Variants in BBX observed in about 807,000 individuals in gnomAD.
BBX encodes BBX high mobility group box domain containing.
In BBX, 30 loss-of-function variants were observed where a neutral mutation model predicts 100.2. The ratio of observed to expected loss-of-function variants is 0.30; its 90% confidence interval spans 0.22 to 0.41. The LOEUF is 0.41. Among genes scored for constraint, BBX ranks in the 10% least tolerant of loss-of-function variants. The pLI, the probability that BBX is intolerant of heterozygous loss-of-function variation, is 1.00. For missense variants in BBX, 1,023 were observed against 1,129.8 expected, an observed-to-expected ratio of 0.91 and a Z score of 1.35; for synonymous variants, 376 against 388.1, an observed-to-expected ratio of 0.97 and a Z score of 0.37.
chr3:107,801,676 A>C (rs934783922), intron 17 of BBX, among the ~76,000 whole-genome samples: 10 of 152,086 alleles, frequency 6.6e-5, no homozygotes, highest in Admixed American at 3.9e-4. Context: ...TCCTCTAAAA[A>C]AACAGGGGCA....
rs1485474302 is a variant in BBX, at chr3:107,710,603, A to G, written c.143A>G (p.Glu48Gly). The G allele has an allele frequency of 1.2e-6, 2 of 1,612,850 alleles. No homozygotes were observed. The highest frequency in any genetic ancestry group is 1.7e-6 in the Non-Finnish European group (2 of 1,179,270). ...TCAGAAGAGGAAGAAGAGGAAGACG[A>G]AGAGGAGGATATTGATAAGGTAAGT... The part of the protein sequence containing the change: ...DFSEEEEEED[E>G]EEDIDKVQLL... The change falls in exon 4 of 18, where the codon GAA becomes GGA. Residue 48 changes from glutamate to glycine, a missense_variant. Transcript: ENST00000325805.
intron 2 of BBX, among the ~76,000 whole-genome samples, chr3:107,547,790 C>G (rs1341150793): frequency 2.0e-5 from 3 of 151,936 alleles, no homozygotes; most frequent in African/African-American, 4.8e-5. Flanking sequence ...TCTTCTTTCC[C>G]TTCTATTGAT....
intron 2 of BBX, chr3:107,638,533 A>G (rs897558531): frequency 1.3e-5 from 2 of 152,134 alleles, no homozygotes; most frequent in Non-Finnish European, 1.5e-5. Flanking sequence ...ACCTGGAACA[A>G]TTCTTTCTGC....
At chr3:107,713,113 T>A (rs2061838855) in intron 4 of BBX, among the ~76,000 whole-genome samples, 1 of 152,204 alleles carries the variant, frequency 6.6e-6, no homozygotes, top group African/African-American at 2.4e-5. Context: ...TTTTTTGTTG[T>A]ATATGAAGAA....
chr3:107,617,438 G>A (rs1416565674), intron 2 of BBX, among the ~76,000 whole-genome samples: 1 of 152,058 alleles, frequency 6.6e-6, no homozygotes, highest in Non-Finnish European at 1.5e-5. Flanking sequence ...ATTATAGGAT[G>A]TGTCAAATCT....
At chr3:107,704,918 C>G (rs2107238543) in intron 3 of BBX, among the ~76,000 whole-genome samples, 1 of 152,170 alleles carries the variant, frequency 6.6e-6, no homozygotes, top group African/African-American at 2.4e-5. Context: ...TGACCCGGGT[C>G]TTGGAGGATG....
chr3:107,605,813 AC>A (rs1254644255), intron 2 of BBX, among the ~76,000 whole-genome samples: 3 of 152,172 alleles, frequency 2.0e-5, no homozygotes, highest in Non-Finnish European at 2.9e-5. Context: ...CATAAGACAT[AC>A]TAGTATGTAA....
chr3:107,682,672 T>C (rs1222480806), intron 3 of BBX, among the ~76,000 whole-genome samples: 11 of 152,202 alleles, frequency 7.2e-5, no homozygotes, highest in African/African-American at 2.2e-4. Context: ...GTTGAGAGTC[T>C]ATTTTATTCC....
chr3:107,597,812 A>G (rs891978880), intron 2 of BBX, among the ~76,000 whole-genome samples: 7 of 152,230 alleles, frequency 4.6e-5, no homozygotes, highest in Middle Eastern at 3.4e-3. Context: ...AGTATTTCCA[A>G]TTGTCCCCTT....
At chr3:107,596,365 T>C (rs1161298861) in intron 2 of BBX, among the ~76,000 whole-genome samples, 1 of 152,214 alleles carries the variant, frequency 6.6e-6, no homozygotes, top group African/African-American at 2.4e-5. Context: ...TTTCTTGATA[T>C]GGCATCTTTA....
chr3:107,742,228 T>C (rs1373047680), intron 7 of BBX, among the ~76,000 whole-genome samples: 2 of 152,194 alleles, frequency 1.3e-5, no homozygotes, highest in Non-Finnish European at 2.9e-5. Flanking sequence ...GAAACATTTG[T>C]ATCTGTTCTT....
intron 9 of BBX, among the ~76,000 whole-genome samples, chr3:107,753,396 T>TCCCC (rs554384379): frequency 2.0e-5 from 3 of 151,866 alleles, no homozygotes; most frequent in Non-Finnish European, 2.9e-5. Flanking sequence ...ATGTTGAACC[T>TCCCC]CCCCCCACAC....
At chr3:107,695,682 G>A (rs2060537572) in intron 3 of BBX, among the ~76,000 whole-genome samples, 1 of 151,642 alleles carries the variant, frequency 6.6e-6, no homozygotes, top group Non-Finnish European at 1.5e-5. Context: ...GTTGATTTGG[G>A]GTGGAGAGTT....
intron 2 of BBX, among the ~76,000 whole-genome samples, chr3:107,594,884 C>A (rs2053574321): frequency 6.6e-6 from 1 of 152,074 alleles, no homozygotes. Flanking sequence ...GCTGTTATTA[C>A]CTTTAAAAGA....
At chr3:107,683,343 A>G (rs960341494) in intron 3 of BBX, among the ~76,000 whole-genome samples, 3 of 152,156 alleles carry the variant, frequency 2.0e-5, no homozygotes, top group African/African-American at 7.2e-5. Flanking sequence ...TTTTAGAAAT[A>G]GATACTTCCT....
intron 2 of BBX, among the ~76,000 whole-genome samples, chr3:107,532,051 T>TGGG (rs2048195641): frequency 6.6e-6 from 1 of 151,696 alleles, no homozygotes; most frequent in Non-Finnish European, 1.5e-5. Flanking sequence ...ACAAATTAGC[T>TGGG]GGGGGTGGTG....
intron 2 of BBX, among the ~76,000 whole-genome samples, chr3:107,631,058 C>A (rs1044610400): frequency 1.3e-5 from 2 of 152,166 alleles, no homozygotes; most frequent in Non-Finnish European, 2.9e-5. Flanking sequence ...CAAACTTTTT[C>A]TGATTCATTA....
At chr3:107,733,350 A>T (rs774601358) in intron 7 of BBX, among the ~76,000 whole-genome samples, 1 of 152,178 alleles carries the variant, frequency 6.6e-6, no homozygotes, top group Admixed American at 6.5e-5. Context: ...TATTCGAAAC[A>T]TTCTCTGCTT....
intron 2 of BBX, among the ~76,000 whole-genome samples, chr3:107,641,196 T>C (rs1302248425): frequency 1.3e-5 from 2 of 151,652 alleles, no homozygotes; most frequent in Admixed American, 1.3e-4. Context: ...GCAAGTCTCC[T>C]GCCTCAGCCT....
Sources: allele counts gnomAD v4.1 joint callset (sites outside exome capture counted in the v4.1 genomes callset), GRCh38; gene constraint gnomAD v4.1.1; transcripts MANE v1.5; gene names NCBI Gene and HGNC (gene_info 2026-07-23, HGNC 2026-07-21).